TENM4: variants seen among roughly 807,000 people sequenced by gnomAD.
The protein encoded by TENM4 is teneurin transmembrane protein 4, also known as teneurin-4.
A neutral mutation model predicts 243.3 loss-of-function variants in TENM4; 82 were observed. The ratio of observed to expected loss-of-function variants is 0.34; its 90% confidence interval spans 0.28 to 0.40. The LOEUF (loss-of-function observed/expected upper bound fraction) is 0.40, where lower values mean the gene tolerates loss of function less well. Among genes scored for constraint, TENM4 ranks in the 10% least tolerant of loss-of-function variants. The pLI, the probability that TENM4 is intolerant of heterozygous loss-of-function variation, is 1.00. For synonymous variants in TENM4, 1,412 were observed against 1,456.3 expected (o/e 0.97, Z 0.69); for missense variants, 3,138 against 3,673.3 (o/e 0.85, Z 3.77).
chr11:78,717,518 A>G (rs1859549335), intron 25 of TENM4, among the ~76,000 whole-genome samples: 1 of 152,258 alleles, frequency 6.6e-6, no homozygotes, highest in Admixed American at 6.5e-5. Context: ...CATCACTTCT[A>G]TAGCCTCAGT....
intron 1 of TENM4, among the ~76,000 whole-genome samples, chr11:79,307,653 G>A (rs890181413): frequency 2.0e-5 from 3 of 152,120 alleles, no homozygotes; most frequent in Non-Finnish European, 4.4e-5. Context: ...ACTCTCAGCA[G>A]CCCCATTTCC....
intron 1 of TENM4, among the ~76,000 whole-genome samples, chr11:79,377,388 T>C (rs501673): frequency 0.25 from 38,176 of 152,078 alleles, 4,841 homozygotes; most frequent in Admixed American, 0.3. Context: ...ACCCAGCATG[T>C]CATCCCAGCT....
At chr11:79,417,409 C>T (rs2135583230) in intron 1 of TENM4, among the ~76,000 whole-genome samples, 1 of 152,142 alleles carries the variant, frequency 6.6e-6, no homozygotes, top group African/African-American at 2.4e-5. Context: ...TGCCCAGATG[C>T]CGTTGTTTGG....
At chr11:78,786,202 C>T (rs763763315) in intron 16 of TENM4, among the ~76,000 whole-genome samples, 2 of 152,200 alleles carry the variant, frequency 1.3e-5, no homozygotes, top group Non-Finnish European at 2.9e-5. Flanking sequence ...TCAGCAGGAG[C>T]TGGTGCCGAG....
chr11:79,019,299 C>G (rs1358362828), intron 6 of TENM4, among the ~76,000 whole-genome samples: 2 of 152,146 alleles, frequency 1.3e-5, no homozygotes, highest in Non-Finnish European at 2.9e-5. Flanking sequence ...GCAGCATGGT[C>G]ACTAACCTGA....
rs542573078 is a variant in TENM4, at chr11:79,266,827, C to A, written c.-265+30661G>T. ...CATAAAAAACAAATTGAAGCCATTGCGTGCATTAAACAAAGGATCATTAAG... is the reference window on the plus strand; with the variant it reads ...CATAAAAAACAAATTGAAGCCATTGAGTGCATTAAACAAAGGATCATTAAG... On this transcript the variant is annotated intron_variant, in intron 2 of 33. Coordinates refer to ENST00000278550, the MANE Select transcript of TENM4 (RefSeq NM_001098816.3). Among the ~76,000 whole-genome samples the A allele has an allele frequency of 2.3e-4, 35 of 152,228 alleles. No individual in the cohort carries two copies. In the South Asian group the frequency reaches 7.3e-3, roughly 32 times the overall value.
At chr11:78,956,778 A>T (rs1008680368) in intron 6 of TENM4, among the ~76,000 whole-genome samples, 5 of 152,232 alleles carry the variant, frequency 3.3e-5, no homozygotes, top group Non-Finnish European at 7.3e-5. Flanking sequence ...ACCTGAACTG[A>T]CATGAGGCTT....
At chr11:78,940,065 G>T (rs529193965) in intron 6 of TENM4, among the ~76,000 whole-genome samples, 1 of 152,224 alleles carries the variant, frequency 6.6e-6, no homozygotes, top group Admixed American at 6.5e-5. Context: ...CCCAGTCACA[G>T]CTACAACAGT....
chr11:78,706,288 C>A (rs1398880667), intron 27 of TENM4, among the ~76,000 whole-genome samples: 1 of 152,156 alleles, frequency 6.6e-6, no homozygotes, highest in African/African-American at 2.4e-5. Context: ...TAACAGGTTG[C>A]AACAACTTCC....
chr11:79,098,225 C>T lies in TENM4; in HGVS notation c.-65-28216G>A, dbSNP rs371563271. ...CGGGTCTCTTGTGTCTCCCCCACCC[C>T]CCCCCATCTCCCAGCTCAGTGAGAA... On this transcript the variant is annotated intron_variant, in intron 4 of 33. Transcript: ENST00000278550. Among the ~76,000 whole-genome samples the T allele has an allele frequency of 4.6e-5, 7 of 151,624 alleles. No individual in the cohort carries two copies. The East Asian group carries it at 7.8e-4, about 17-fold the overall frequency.
intron 6 of TENM4, among the ~76,000 whole-genome samples, chr11:79,022,119 C>T (rs1445112174): frequency 1.3e-5 from 2 of 152,178 alleles, no homozygotes; most frequent in Non-Finnish European, 2.9e-5. Context: ...CCTTGCTGGC[C>T]TCCACCAAAT....
At chr11:79,179,219 C>T (rs148651297) in intron 3 of TENM4, among the ~76,000 whole-genome samples, 284 of 152,346 alleles carry the variant, frequency 1.9e-3, no homozygotes, top group African/African-American at 6.2e-3. Flanking sequence ...GCTGGCCTTA[C>T]GTAGTCTGCT....
chr11:79,436,042 C>T (rs529557143), intron 1 of TENM4, among the ~76,000 whole-genome samples: 21 of 152,182 alleles, frequency 1.4e-4, no homozygotes, highest in African/African-American at 4.1e-4. Flanking sequence ...GTGGTTCTTT[C>T]GGGGCTGTTG....
At position 78,930,452 on chromosome 11, in the gene TENM4, C is replaced by T. The variant is rs758287791; in HGVS notation, c.494-26929G>A. 1.5e-3 allele frequency among the ~76,000 whole-genome samples: 234 copies of T among 152,110 alleles called. 6 individuals are homozygous for T. Among genetic ancestry groups the T allele is most frequent in the Non-Finnish European group, 4.3e-4 (29 of 68,014 alleles). ...TTAGTCTTGCACACATAGGCAGGTC[C>T]CTCCACCTGAAACAGTTTTCCTCCC... On this transcript the variant is annotated intron_variant, in intron 6 of 33. Coordinates refer to ENST00000278550, the MANE Select transcript of TENM4 (RefSeq NM_001098816.3).
intron 1 of TENM4, among the ~76,000 whole-genome samples, chr11:79,315,286 G>A (rs1354305220): frequency 1.3e-5 from 2 of 152,164 alleles, no homozygotes; most frequent in Non-Finnish European, 2.9e-5. Flanking sequence ...TCCTGTACCT[G>A]TCCCCTACTC....
At chr11:79,412,656 T>C (rs990057639) in intron 1 of TENM4, among the ~76,000 whole-genome samples, 3 of 152,256 alleles carry the variant, frequency 2.0e-5, no homozygotes, top group African/African-American at 4.8e-5. Context: ...AACAGCACTA[T>C]GGCATAAAAA....
chr11:79,116,993 T>G (rs1861635626), intron 4 of TENM4, among the ~76,000 whole-genome samples: 2 of 152,236 alleles, frequency 1.3e-5, no homozygotes, highest in Non-Finnish European at 2.9e-5. Flanking sequence ...TTATTCAAGT[T>G]GCCTGTGTCA....
intron 1 of TENM4, among the ~76,000 whole-genome samples, chr11:79,300,399 C>T (rs1232036032): frequency 6.6e-6 from 1 of 152,144 alleles, no homozygotes; most frequent in Non-Finnish European, 1.5e-5. Context: ...TAATCTCCTA[C>T]TGATGGACAC....
chr11:79,169,984 T>G (rs1238486312), intron 3 of TENM4, among the ~76,000 whole-genome samples: 1 of 152,192 alleles, frequency 6.6e-6, no homozygotes, highest in East Asian at 1.9e-4. Flanking sequence ...GATGGGGCTT[T>G]TCTTTCTGGT....
Sources: gnomAD v4.1 joint callset for allele counts (sites outside exome capture counted in the v4.1 genomes callset) on GRCh38, gnomAD v4.1.1 for gene constraint, MANE v1.5 for transcripts, NCBI Gene and HGNC (gene_info 2026-07-23, HGNC 2026-07-21) for gene names.